DLG2: variants seen among roughly 807,000 people sequenced by gnomAD.
DLG2 encodes the protein discs large MAGUK scaffold protein 2, also known as disks large homolog 2.
DLG2 carries 45 observed loss-of-function variants against 132.5 expected under a neutral mutation model. That is an observed-to-expected ratio of 0.34 (90% CI 0.27 to 0.44). DLG2 has a LOEUF of 0.44. DLG2 is among the 20% of genes least tolerant of loss of function. DLG2 has a pLI of 1.00. For synonymous variants in DLG2, 424 were observed against 419.6 expected (o/e 1.01, Z -0.13); for missense variants, 1,045 against 1,196.9 (o/e 0.87, Z 1.87).
At chr11:85,241,136 T>C (rs1039372907) in intron 4 of DLG2, among the ~76,000 whole-genome samples, 1 of 151,764 alleles carries the variant, frequency 6.6e-6, no homozygotes, top group African/African-American at 2.4e-5. Flanking sequence ...TATTACTAGA[T>C]ACTTGATTTT....
At chr11:85,533,183 C>T (rs2075335085) in intron 3 of DLG2, among the ~76,000 whole-genome samples, 1 of 152,060 alleles carries the variant, frequency 6.6e-6, no homozygotes, top group South Asian at 2.1e-4. Flanking sequence ...ATCACCACAC[C>T]TAGCTAATTT....
At chr11:84,605,454 T>G (rs1322137538) in intron 6 of DLG2, among the ~76,000 whole-genome samples, 2 of 151,968 alleles carry the variant, frequency 1.3e-5, no homozygotes, top group Non-Finnish European at 1.5e-5. Context: ...ATTATTAATC[T>G]TTTAAAATAC....
chr11:84,041,368 TG>T (rs1247842468), intron 11 of DLG2, among the ~76,000 whole-genome samples: 4 of 151,956 alleles, frequency 2.6e-5, no homozygotes, highest in Non-Finnish European at 5.9e-5. Flanking sequence ...ATTTTGGTAT[TG>T]CTCTCCAAGA....
Position 84,870,819 on chromosome 11 carries a change from G to A in DLG2, c.357+240842C>T, listed in dbSNP as rs1028200632. 2.6e-5 allele frequency among the ~76,000 whole-genome samples: 4 copies of A among 152,124 alleles called. No individual in the cohort carries two copies. The East Asian group carries it at 7.7e-4, about 29-fold the overall frequency. On this transcript the variant is annotated intron_variant, in intron 6 of 27. Coordinates refer to ENST00000376104, the MANE Select transcript of DLG2 (RefSeq NM_001142699.3). ...CTATTAATATCATCCTCTTCTTTCA[G>A]GGGAAGACATGCCCATGACAGAAGA...
chr11:85,058,945 T>A (rs1316340472), intron 6 of DLG2, among the ~76,000 whole-genome samples: 2 of 151,366 alleles, frequency 1.3e-5, no homozygotes, highest in African/African-American at 4.8e-5. Flanking sequence ...GGAGTCTGCA[T>A]AGATTTCCTA....
intron 6 of DLG2, among the ~76,000 whole-genome samples, chr11:84,593,981 T>A (rs548743952): frequency 7.9e-5 from 12 of 152,316 alleles, no homozygotes; most frequent in African/African-American, 2.6e-4. Flanking sequence ...ACTTTTCCCA[T>A]CTAACACCTA....
intron 4 of DLG2, among the ~76,000 whole-genome samples, chr11:85,233,547 T>C (rs1374387090): frequency 1.3e-5 from 2 of 151,866 alleles, no homozygotes; most frequent in East Asian, 3.9e-4. Flanking sequence ...TTTGGTCATA[T>C]TAGTGAGAAT....
At chr11:85,229,829 G>A (rs1218492711) in intron 4 of DLG2, among the ~76,000 whole-genome samples, 2 of 152,170 alleles carry the variant, frequency 1.3e-5, no homozygotes, top group East Asian at 1.9e-4. Context: ...ATGAGTTTAT[G>A]TCTTTTGCAG....
At chr11:84,059,633 A>T in intron 10 of DLG2, 149 bp from the exon 11 acceptor site, 1 of 696,966 alleles carries the variant, frequency 1.4e-6, no homozygotes, top group Non-Finnish European at 2.2e-6. Flanking sequence ...CTTCAAATGA[A>T]GGAAATCTAA....
chr11:84,139,966 G>T (rs574800362), intron 9 of DLG2, among the ~76,000 whole-genome samples: 1 of 152,124 alleles, frequency 6.6e-6, no homozygotes, highest in African/African-American at 2.4e-5. Flanking sequence ...ACTTTGGGGT[G>T]ATTTAAAATC....
intron 15 of DLG2, among the ~76,000 whole-genome samples, chr11:83,883,736 G>C (rs1212072577): frequency 6.6e-6 from 1 of 151,726 alleles, no homozygotes; most frequent in Non-Finnish European, 1.5e-5. Flanking sequence ...CATTCTTCTA[G>C]GCTTTTGTAG....
At chr11:85,581,129 T>C (rs180881170) in intron 3 of DLG2, among the ~76,000 whole-genome samples, 113 of 152,286 alleles carry the variant, frequency 7.4e-4, no homozygotes, top group African/African-American at 2.6e-3. Context: ...GCTGTGCTCC[T>C]CTTCCTAAAG....
chr11:85,396,682 T>A (rs868740260), intron 3 of DLG2, among the ~76,000 whole-genome samples: 5 of 152,060 alleles, frequency 3.3e-5, no homozygotes, highest in Admixed American at 6.6e-5. Flanking sequence ...ATATCAGTAA[T>A]TGAAGATCAA....
At chr11:85,126,660 C>T (rs1252371945) in intron 5 of DLG2, among the ~76,000 whole-genome samples, 1 of 152,030 alleles carries the variant, frequency 6.6e-6, no homozygotes, top group African/African-American at 2.4e-5. Context: ...AGACATGCCA[C>T]CTTGCAGACA....
At chr11:85,520,539 A>ACACG (rs1200072930) in intron 3 of DLG2, among the ~76,000 whole-genome samples, 2 of 151,792 alleles carry the variant, frequency 1.3e-5, no homozygotes, top group African/African-American at 2.4e-5. Flanking sequence ...ACACACACAC[A>ACACG]CAAAGAATAA....
At chr11:84,710,621 A>T (rs1184826285) in intron 6 of DLG2, among the ~76,000 whole-genome samples, 1 of 151,916 alleles carries the variant, frequency 6.6e-6, no homozygotes, top group Non-Finnish European at 1.5e-5. Flanking sequence ...TTAATCCATA[A>T]TGTGGATATT....
intron 6 of DLG2, among the ~76,000 whole-genome samples, chr11:85,002,463 C>T (rs1479205343): frequency 6.6e-6 from 1 of 152,130 alleles, no homozygotes; most frequent in East Asian, 1.9e-4. Context: ...GGCCCTTGGA[C>T]TATCAGAAGT....
At chr11:85,627,996 C>T (rs1003461812), upstream of DLG2, 1 of 152,704 alleles carries the variant, frequency 6.5e-6, no homozygotes, top group Admixed American at 6.5e-5. Context: ...TGGGTCTTCT[C>T]GCGGGGGTAG....
intron 3 of DLG2, among the ~76,000 whole-genome samples, chr11:85,464,889 A>G (rs765962156): frequency 2.0e-5 from 3 of 151,374 alleles, no homozygotes; most frequent in African/African-American, 7.3e-5. Context: ...CCTGGCCAAC[A>G]TGGTGACACC....
Sources: gnomAD v4.1 joint callset for allele counts (sites outside exome capture counted in the v4.1 genomes callset) on GRCh38, gnomAD v4.1.1 for gene constraint, MANE v1.5 for transcripts, NCBI Gene and HGNC (gene_info 2026-07-23, HGNC 2026-07-21) for gene names.